Variants in KIF6 observed in about 807,000 individuals in gnomAD.
The protein encoded by KIF6 is kinesin-like protein KIF6.
Under a neutral mutation model 112.7 loss-of-function variants are expected in KIF6, and 106 were observed. The observed-to-expected ratio is 0.94, with a 90% CI of 0.80 to 1.11. The LOEUF is 1.11. Ranked by LOEUF, KIF6 falls within the 50% of genes least tolerant of loss-of-function variation. The pLI is 0.00. For synonymous variants in KIF6, 339 were observed against 339.9 expected (o/e 1.00, Z 0.03); for missense variants, 929 against 964.0 (o/e 0.96, Z 0.48).
intron 13 of KIF6, among the ~76,000 whole-genome samples, chr6:39,444,718 C>T (rs1562222858): frequency 6.6e-6 from 1 of 152,030 alleles, no homozygotes; most frequent in Admixed American, 6.6e-5. Context: ...CCAAAACGCT[C>T]CTTTTGCATG....
chr6:39,360,544 G>A lies in KIF6; in HGVS notation c.1947-14C>T, dbSNP rs751197410. 89 of 1,614,082 alleles carry A rather than the reference G, an allele frequency of 5.5e-5. No homozygotes were observed. In the East Asian group the frequency reaches 8.7e-4, roughly 16 times the overall value. On this transcript the variant is annotated splice_polypyrimidine_tract_variant and intron_variant, in intron 17 of 22. Coordinates refer to ENST00000287152, the MANE Select transcript of KIF6 (RefSeq NM_145027.6). ...ATTGTTTTATACCTGCGGTGGAATC[G>A]GGGAAGAGTCAGGGCACTGCTGTCT... is the stretch of plus-strand genomic sequence containing the variant.
At chr6:39,521,450 C>T (rs1004766042) in intron 13 of KIF6, among the ~76,000 whole-genome samples, 2 of 152,132 alleles carry the variant, frequency 1.3e-5, no homozygotes, top group Admixed American at 6.5e-5. Context: ...ATCTATGAAG[C>T]CGCAAAACTG....
chr6:39,415,460 A>G (rs1006104652), intron 15 of KIF6, among the ~76,000 whole-genome samples: 1 of 152,212 alleles, frequency 6.6e-6, no homozygotes, highest in Non-Finnish European at 1.5e-5. Context: ...ATTAAATGAG[A>G]TAACATAGGT....
At chr6:39,475,270 G>C (rs1227735743) in intron 13 of KIF6, among the ~76,000 whole-genome samples, 1 of 152,142 alleles carries the variant, frequency 6.6e-6, no homozygotes, top group Non-Finnish European at 1.5e-5. Flanking sequence ...GTGACACAAT[G>C]AACACAGATG....
intron 3 of KIF6, among the ~76,000 whole-genome samples, chr6:39,658,083 G>A (rs568514883): frequency 3.7e-4 from 57 of 152,270 alleles, no homozygotes; most frequent in African/African-American, 1.3e-3. Flanking sequence ...GAGAAGTTAT[G>A]GCTCTCATAA....
chr6:39,361,558 CAAAAAAAA>C (rs1242586612), intron 17 of KIF6, among the ~76,000 whole-genome samples: 1 of 44,676 alleles, frequency 2.2e-5, no homozygotes, highest in Non-Finnish European at 4.7e-5. Flanking sequence ...GGCTCCATCT[CAAAAAAAA>C]AAAAAAAAAA....
chr6:39,476,994 C>T (rs1229056570), intron 13 of KIF6, among the ~76,000 whole-genome samples: 1 of 152,168 alleles, frequency 6.6e-6, no homozygotes, highest in African/African-American at 2.4e-5. Context: ...CAAATCTTGA[C>T]TGAAAATCTA....
At chr6:39,442,125 G>A (rs757673879) in intron 13 of KIF6, among the ~76,000 whole-genome samples, 2 of 152,162 alleles carry the variant, frequency 1.3e-5, no homozygotes, top group Non-Finnish European at 2.9e-5. Flanking sequence ...TGCAGACCAC[G>A]CGGGCTGGGT....
intron 10 of KIF6, among the ~76,000 whole-genome samples, chr6:39,577,264 G>C (rs1781024324): frequency 6.6e-6 from 1 of 152,242 alleles, no homozygotes; most frequent in African/African-American, 2.4e-5. Flanking sequence ...CTATGAAATA[G>C]TTTAAAGACA....
chr6:39,719,498 C>T (rs962983358), intron 2 of KIF6, among the ~76,000 whole-genome samples: 11 of 152,020 alleles, frequency 7.2e-5, no homozygotes, highest in South Asian at 2.1e-4. Context: ...TCCAGAAATC[C>T]GTCACCAAAA....
In KIF6 at chr6:39,342,878, T is replaced by G. The variant is rs1311255061; in HGVS notation, c.2428+831A>C. Reference sequence around the variant, plus strand: ...GCACACGGCTGGTGGAGAAGCTGAGTGCAGGCGCCACAGGGCAGGCATCAG... The same window carrying G: ...GCACACGGCTGGTGGAGAAGCTGAGGGCAGGCGCCACAGGGCAGGCATCAG... On this transcript the variant is annotated intron_variant, in intron 22 of 22. Transcript: ENST00000287152. The surrounding 1 kb of genome is among the most constrained non-coding windows in gnomAD (Gnocchi z 4.7). 1.0e-6 allele frequency: 1 copy of G among 985,132 alleles called. No individual in the cohort carries two copies. The highest frequency in any genetic ancestry group is 1.7e-5 in the African/African-American group (1 of 57,150). The allele number at this position is 985,132 out of a possible 1,614,324, so 61.0% of individuals were successfully genotyped here.
chr6:39,599,030 A>G (rs1005468815), intron 6 of KIF6, among the ~76,000 whole-genome samples: 4 of 152,174 alleles, frequency 2.6e-5, no homozygotes, highest in African/African-American at 9.6e-5. Context: ...CAAGAAAGGG[A>G]CTTCAGCTTT....
chr6:39,415,163 G>C (rs1437670449), intron 15 of KIF6, among the ~76,000 whole-genome samples: 1 of 152,068 alleles, frequency 6.6e-6, no homozygotes, highest in Non-Finnish European at 1.5e-5. Context: ...CTCCAGCCTG[G>C]ATGACAGAGT....
chr6:39,375,335 A>G lies in KIF6; in HGVS notation c.1861+10287T>C, dbSNP rs546529246. Among the ~76,000 whole-genome samples, 31 of 152,314 alleles carry G rather than the reference A, an allele frequency of 2.0e-4. No homozygotes were observed. In the East Asian group the frequency reaches 6.0e-3, roughly 29 times the overall value. ...TAATGGACATTTCAAAATTGCTGGG[A>G]GTAAATTTCAAATGTCTCACCACAA... On this transcript the variant is annotated intron_variant, in intron 16 of 22. Transcript: ENST00000287152.
chr6:39,401,551 C>T (rs546567750), intron 15 of KIF6, among the ~76,000 whole-genome samples: 1 of 152,260 alleles, frequency 6.6e-6, no homozygotes, highest in South Asian at 2.1e-4. Context: ...TCAGAGCTCT[C>T]ACTCCTGCAG....
chr6:39,501,597 A>C (rs2150492914), intron 13 of KIF6, among the ~76,000 whole-genome samples: 1 of 152,308 alleles, frequency 6.6e-6, no homozygotes, highest in Middle Eastern at 3.4e-3. Flanking sequence ...ATAATACAGG[A>C]GCTGACAGCC....
At chr6:39,546,981 G>A (rs1779104257) in intron 10 of KIF6, among the ~76,000 whole-genome samples, 1 of 152,132 alleles carries the variant, frequency 6.6e-6, no homozygotes, top group South Asian at 2.1e-4. Context: ...ATGTTCACTA[G>A]TTACTGGATT....
chr6:39,331,937 C>G lies in KIF6; in HGVS notation c.*4595G>C, dbSNP rs1762753324. 7.1e-6 allele frequency: 1 copy of G among 141,666 alleles called. No homozygotes were observed. Among genetic ancestry groups the G allele is most frequent in the South Asian group, 2.3e-4 (1 of 4,384 alleles). 8.8% of individuals were successfully genotyped at this position (141,666 alleles called of 1,614,324 possible). On this transcript the variant is annotated 3_prime_UTR_variant, in exon 23 of 23. Transcript: ENST00000287152. ...AACTGTGCCATGCCTGGGGCTGTTT[C>G]TATTTGTTTTTTCTTTTTTTTTTTT...
Position 39,639,752 on chromosome 6 carries a change from AG to A in KIF6, c.256del (p.Leu86TrpfsTer87). ...AAAGATGGTACCATTGTAACCTGCC[AG>A]GACACTGCAATAAAGAAATGACACA... Reference protein sequence around the residue: ...NIAKPVAGSVLAGYNGTIFAY... With the variant: ...NIAKPVAGSVXAGYNGTIFAY... On this transcript the variant is annotated frameshift_variant, in exon 4 of 23. Transcript: ENST00000287152. LOFTEE classifies it high-confidence loss of function. The A allele has an allele frequency of 6.2e-7, 1 of 1,608,772 alleles. No individual in the cohort carries two copies. Among genetic ancestry groups the A allele is most frequent in the Non-Finnish European group, 8.5e-7 (1 of 1,177,910 alleles).
Sources: allele counts gnomAD v4.1 joint callset (sites outside exome capture counted in the v4.1 genomes callset), GRCh38; gene constraint gnomAD v4.1.1; non-coding constraint Gnocchi (gnomAD v3.1); transcripts MANE v1.5; gene names NCBI Gene and HGNC (gene_info 2026-07-23, HGNC 2026-07-21).